TRAPPC9: variants seen among roughly 807,000 people sequenced by gnomAD.
TRAPPC9 encodes trafficking protein particle complex subunit 9, also known as IKK2 binding protein.
A neutral mutation model predicts 124.0 loss-of-function variants in TRAPPC9; 83 were observed. The ratio of observed to expected loss-of-function variants is 0.67; its 90% CI spans 0.56 to 0.80. TRAPPC9 has a LOEUF of 0.80. Ranked by LOEUF, TRAPPC9 falls within the 30% of genes least tolerant of loss-of-function variation. TRAPPC9 has a pLI of 0.00. For missense variants in TRAPPC9, 1,302 were observed against 1,508.3 expected (o/e 0.86, Z 2.27); for synonymous variants, 638 against 617.5 (o/e 1.03, Z -0.49).
intron 21 of TRAPPC9, among the ~76,000 whole-genome samples, chr8:139,811,240 T>C (rs1276988424): frequency 1.3e-5 from 2 of 152,092 alleles, no homozygotes; most frequent in Admixed American, 6.5e-5. Context: ...AGATTGGATA[T>C]GAAATTGTGG....
intron 21 of TRAPPC9, among the ~76,000 whole-genome samples, chr8:139,801,011 C>T (rs1024334728): frequency 1.3e-5 from 2 of 149,848 alleles, no homozygotes; most frequent in African/African-American, 2.5e-5. Flanking sequence ...TCCCTCCCTC[C>T]GGCATCTTCC....
In TRAPPC9 at chr8:140,257,196, G is replaced by A. The variant is rs988320256; in HGVS notation, c.2279-4267C>T. Among the ~76,000 whole-genome samples, 1 of 152,212 alleles carries A rather than the reference G, an allele frequency of 6.6e-6. No individual in the cohort carries two copies. The highest frequency in any genetic ancestry group is 1.5e-5 in the Non-Finnish European group (1 of 68,046). On this transcript the variant is annotated intron_variant, in intron 15 of 22. Transcript: ENST00000438773. This position sits in a 1 kb window ranked among gnomAD's most constrained non-coding sequence, Gnocchi z 4.6. The stretch of plus-strand genomic sequence containing the variant: ...ACATCATATGAATGAGCAAACTAGA[G>A]TTCAGAGAGATCAAGCAGCTTTCCT...
At chr8:139,873,844 G>C (rs1156241554) in intron 21 of TRAPPC9, among the ~76,000 whole-genome samples, 2 of 152,210 alleles carry the variant, frequency 1.3e-5, no homozygotes, top group Non-Finnish European at 2.9e-5. Context: ...AGAACCCCTA[G>C]TCCACCTCTG....
At chr8:140,283,591 A>T (rs893104399) in intron 14 of TRAPPC9, among the ~76,000 whole-genome samples, 1 of 151,990 alleles carries the variant, frequency 6.6e-6, no homozygotes, top group African/African-American at 2.4e-5. Context: ...CCACCGCGCC[A>T]GGCCAAAATT....
Position 139,729,510 on chromosome 8 carries a change from C to G in TRAPPC9, c.*1551G>C, listed in dbSNP as rs78567950. Among the ~76,000 whole-genome samples, 58 of 152,350 alleles carry G rather than the reference C, an allele frequency of 3.8e-4. 1 individual carries two copies. In the East Asian group the frequency reaches 0.011, roughly 28 times the overall value. On this transcript the variant is annotated 3_prime_UTR_variant, in exon 23 of 23. Coordinates refer to ENST00000438773, the MANE Select transcript of TRAPPC9 (RefSeq NM_001160372.4). ...TTCCCTGGGGAGCCTCGAGCAGATG[C>G]TGAATGAGCTCCAGGAACTGAGGGC...
rs1015578241 is a variant in TRAPPC9, at chr8:139,729,087, C to G, written c.*1974G>C. 6.6e-6 allele frequency among the ~76,000 whole-genome samples: 1 copy of G among 152,200 alleles called. No individual in the cohort carries two copies. The highest frequency in any genetic ancestry group is 1.9e-4 in the East Asian group (1 of 5,198). On this transcript the variant is annotated 3_prime_UTR_variant, in exon 23 of 23. Transcript: ENST00000438773. Reference sequence around the variant, plus strand: ...CTATTGTGCTTTTGAAAGGAAAGTACGTACTCAAGTCCCCGGTGACCAGCA... The same window carrying G: ...CTATTGTGCTTTTGAAAGGAAAGTAGGTACTCAAGTCCCCGGTGACCAGCA...
chr8:139,963,221 C>CCACCCCAGTGGCTCT (rs1470061524), intron 19 of TRAPPC9, among the ~76,000 whole-genome samples: 7 of 151,884 alleles, frequency 4.6e-5, no homozygotes, highest in African/African-American at 1.7e-4. Context: ...CTATTTTTTC[C>CCACCCCAGTGGCTCT]CACCCCAGTG....
intron 1 of TRAPPC9, 97 bp from the exon 2 acceptor site, chr8:140,451,480 G>A (rs1160722768): frequency 9.7e-7 from 1 of 1,033,536 alleles, no homozygotes; most frequent in Non-Finnish European, 1.5e-6. Flanking sequence ...CTACCCAGAG[G>A]CAGGGGAAGC....
intron 10 of TRAPPC9, 21 bp downstream of exon 10, chr8:140,311,227 G>A (rs1457137204): frequency 5.6e-6 from 9 of 1,607,568 alleles, no homozygotes; most frequent in African/African-American, 2.7e-5. Context: ...TGCCTTTCCG[G>A]CTCTGCAGTG....
chr8:140,312,758 CTTT>C (rs553049081), intron 9 of TRAPPC9, among the ~76,000 whole-genome samples: 1,182 of 98,540 alleles, frequency 0.012, 12 homozygotes, highest in African/African-American at 0.047. Context: ...TCTTCTTCTT[CTTT>C]TTTTTTTTTT....
intron 21 of TRAPPC9, among the ~76,000 whole-genome samples, chr8:139,798,521 G>A (rs1284684706): frequency 2.6e-5 from 4 of 152,214 alleles, no homozygotes; most frequent in Non-Finnish European, 5.9e-5. Context: ...CTGCTCCAGA[G>A]ACTGCTTGCT....
At chr8:140,424,694 T>C (rs1217820578) in intron 5 of TRAPPC9, among the ~76,000 whole-genome samples, 1 of 131,216 alleles carries the variant, frequency 7.6e-6, no homozygotes, top group Non-Finnish European at 1.7e-5. Context: ...GAAAAAAGAG[T>C]TTTAAGAATC....
chr8:139,859,295 T>C (rs1827989064), intron 21 of TRAPPC9, among the ~76,000 whole-genome samples: 1 of 151,982 alleles, frequency 6.6e-6, no homozygotes, highest in Non-Finnish European at 1.5e-5. Context: ...GCCGGCTCCT[T>C]TCCTGATCAC....
At chr8:140,079,414 G>A (rs1843688147) in intron 17 of TRAPPC9, among the ~76,000 whole-genome samples, 1 of 152,050 alleles carries the variant, frequency 6.6e-6, no homozygotes, top group Non-Finnish European at 1.5e-5. Flanking sequence ...AACTTGATGA[G>A]GCCCCAGAGA....
intron 21 of TRAPPC9, among the ~76,000 whole-genome samples, chr8:139,771,210 C>A (rs1563801427): frequency 6.6e-6 from 1 of 152,164 alleles, no homozygotes; most frequent in Non-Finnish European, 1.5e-5. Flanking sequence ...TCTAGGGCCC[C>A]AAACTCATCT....
At chr8:139,733,890 G>A (rs1817993311) in intron 21 of TRAPPC9, among the ~76,000 whole-genome samples, 1 of 152,216 alleles carries the variant, frequency 6.6e-6, no homozygotes, top group Non-Finnish European at 1.5e-5. Flanking sequence ...GTCCTCTAAG[G>A]ACTGGCCTGC....
intron 21 of TRAPPC9, among the ~76,000 whole-genome samples, chr8:139,737,504 G>A (rs75506091): frequency 2.8e-5 from 4 of 142,248 alleles, no homozygotes; most frequent in Admixed American, 7.5e-5. Context: ...TCTGGTGTCT[G>A]GGTGTGTAGG....
At chr8:140,178,699 C>T (rs2062128525) in intron 17 of TRAPPC9, among the ~76,000 whole-genome samples, 1 of 151,982 alleles carries the variant, frequency 6.6e-6, no homozygotes, top group South Asian at 2.1e-4. Flanking sequence ...AATTGTATTT[C>T]CTCTTTATTA....
At chr8:140,005,126 T>G (rs953624748) in intron 18 of TRAPPC9, among the ~76,000 whole-genome samples, 1 of 152,226 alleles carries the variant, frequency 6.6e-6, no homozygotes, top group African/African-American at 2.4e-5. Flanking sequence ...TCTGCCACAC[T>G]GCTATGGAGC....
Sources: allele counts gnomAD v4.1 joint callset (sites outside exome capture counted in the v4.1 genomes callset), GRCh38; gene constraint gnomAD v4.1.1; non-coding constraint Gnocchi (gnomAD v3.1); transcripts MANE v1.5; gene names NCBI Gene and HGNC (gene_info 2026-07-23, HGNC 2026-07-21).